AKAP19: variants seen among roughly 807,000 people sequenced by gnomAD.
AKAP19 encodes the protein A-kinase anchoring protein 19.
chr2:190,161,988 C>G, the AKAP19 span, among the ~76,000 whole-genome samples: 2 of 152,150 alleles, frequency 1.3e-5, no homozygotes, highest in African/African-American at 2.4e-5. Flanking sequence ...TTATAATTGA[C>G]ATCTCTATTA....
chr2:190,038,972 T>TCC, the AKAP19 span, among the ~76,000 whole-genome samples: 1 of 99,912 alleles, frequency 1.0e-5, no homozygotes, highest in African/African-American at 3.8e-5. Context: ...TTCTTCTTCT[T>TCC]TCTTCTTCTT....
chr2:190,183,335 T>C, the AKAP19 span, among the ~76,000 whole-genome samples: 4 of 152,196 alleles, frequency 2.6e-5, no homozygotes, highest in Non-Finnish European at 5.9e-5. Flanking sequence ...AGCCCTTTCT[T>C]ATCAAACTAT....
chr2:189,981,290 T>C, the AKAP19 span, among the ~76,000 whole-genome samples: 12 of 120,380 alleles, frequency 1.0e-4, no homozygotes, highest in East Asian at 1.8e-3. Flanking sequence ...TTTTTTTTTT[T>C]TGCTGTTGTT....
At chr2:189,960,142 G>A in the AKAP19 span, among the ~76,000 whole-genome samples, 56 of 152,208 alleles carry the variant, frequency 3.7e-4, no homozygotes, top group African/African-American at 1.3e-3. Flanking sequence ...ATCATTATCT[G>A]ATAACAATTA....
At chr2:189,995,091 A>G in the AKAP19 span, among the ~76,000 whole-genome samples, 2 of 152,214 alleles carry the variant, frequency 1.3e-5, no homozygotes, top group Non-Finnish European at 2.9e-5. Context: ...AAAATAATGT[A>G]TATTCTGTGG....
the AKAP19 span, chr2:190,200,264 G>C: frequency 1.2e-6 from 1 of 808,578 alleles, no homozygotes; most frequent in Non-Finnish European, 2.0e-6. Flanking sequence ...ATGTGTCTAC[G>C]ATAATGTCAC....
At chr2:190,128,783 T>A in the AKAP19 span, among the ~76,000 whole-genome samples, 3 of 152,192 alleles carry the variant, frequency 2.0e-5, no homozygotes, top group Non-Finnish European at 2.9e-5. Flanking sequence ...TAGAAATGTA[T>A]AAAGAAGAAA....
the AKAP19 span, among the ~76,000 whole-genome samples, chr2:190,198,001 G>C: frequency 9.9e-5 from 15 of 152,080 alleles, no homozygotes; most frequent in Non-Finnish European, 1.9e-4. Flanking sequence ...ATCATAACAT[G>C]CTGATGATTA....
chr2:190,172,116 T>G, the AKAP19 span, among the ~76,000 whole-genome samples: 1 of 152,240 alleles, frequency 6.6e-6, no homozygotes, highest in African/African-American at 2.4e-5. Flanking sequence ...GTATTCTATC[T>G]GCTCCATGCT....
the AKAP19 span, among the ~76,000 whole-genome samples, chr2:189,976,196 A>G: frequency 6.6e-6 from 1 of 152,214 alleles, no homozygotes; most frequent in African/African-American, 2.4e-5. Flanking sequence ...TCCTTCTAAC[A>G]GTCAGGATCC....
the AKAP19 span, among the ~76,000 whole-genome samples, chr2:190,093,989 G>T: frequency 6.6e-6 from 1 of 152,182 alleles, no homozygotes; most frequent in Non-Finnish European, 1.5e-5. Context: ...GTGCTGTTAC[G>T]AAAGCAGCAG....
the AKAP19 span, among the ~76,000 whole-genome samples, chr2:190,076,680 ACTCTTTGGCTACTTTTAAGATTTT>A: frequency 1.3e-5 from 2 of 152,062 alleles, no homozygotes; most frequent in African/African-American, 4.8e-5. Context: ...AGTGTGTCTT[ACTCTTTGGCTACTTTTAAGATTTT>A]CTCTTTGTCA....
At chr2:189,929,153 TG>T in the AKAP19 span, among the ~76,000 whole-genome samples, 2 of 152,182 alleles carry the variant, frequency 1.3e-5, no homozygotes, top group Non-Finnish European at 2.9e-5. Context: ...TGCTTCTACT[TG>T]CTTCATTTTG....
chr2:190,200,235 T>C, the AKAP19 span: 1 of 1,050,168 alleles, frequency 9.5e-7, no homozygotes. Flanking sequence ...AAAGTACAAA[T>C]AACTATCTGG....
the AKAP19 span, among the ~76,000 whole-genome samples, chr2:190,054,298 T>C: frequency 2.0e-5 from 3 of 152,160 alleles, no homozygotes; most frequent in African/African-American, 7.2e-5. Context: ...TGTAGAAAGC[T>C]GAAACTGGAT....
At chr2:190,034,735 G>T in the AKAP19 span, among the ~76,000 whole-genome samples, 2 of 150,594 alleles carry the variant, frequency 1.3e-5, no homozygotes, top group Admixed American at 6.6e-5. Context: ...AGTGCCAGCT[G>T]CTCGGCTACT....
the AKAP19 span, among the ~76,000 whole-genome samples, chr2:190,006,935 G>A: frequency 2.6e-5 from 4 of 151,924 alleles, no homozygotes; most frequent in Admixed American, 6.6e-5. Flanking sequence ...CAGGAGAATC[G>A]CTTGAACTGG....
At chr2:190,122,985 A>G in the AKAP19 span, among the ~76,000 whole-genome samples, 6 of 151,658 alleles carry the variant, frequency 4.0e-5, no homozygotes, top group African/African-American at 1.5e-4. Flanking sequence ...AATTAAAAAA[A>G]TTTTTTTGTA....
At chr2:189,998,833 T>G in the AKAP19 span, among the ~76,000 whole-genome samples, 1 of 138,336 alleles carries the variant, frequency 7.2e-6, no homozygotes, top group Non-Finnish European at 1.5e-5. Context: ...AGCACAATGA[T>G]GCAATCTTGG....
Sources: gnomAD v4.1 joint callset for allele counts (sites outside exome capture counted in the v4.1 genomes callset) on GRCh38, gnomAD v4.1.1 for gene constraint, MANE v1.5 for transcripts, NCBI Gene and HGNC (gene_info 2026-07-23, HGNC 2026-07-21) for gene names.